The following HIBADH variants were observed in gnomAD, a reference collection of about 807,000 sequenced individuals.
HIBADH encodes the protein 3-hydroxyisobutyrate dehydrogenase.
A neutral mutation model predicts 36.1 loss-of-function variants in HIBADH; 25 were observed. The observed-to-expected ratio is 0.69, with a 90% confidence interval of 0.50 to 0.97. The LOEUF (loss-of-function observed/expected upper bound fraction) is 0.97. Ranked by LOEUF, HIBADH falls within the 50% of genes least tolerant of loss-of-function variation. The pLI is 0.00. For synonymous variants in HIBADH, 160 were observed against 149.5 expected, an observed-to-expected ratio of 1.07 and a Z score of -0.51; for missense variants, 421 against 418.0, an observed-to-expected ratio of 1.01 and a Z score of -0.06.
At chr7:27,595,005 A>G (rs1785006766) in intron 4 of HIBADH, among the ~76,000 whole-genome samples, 1 of 152,220 alleles carries the variant, frequency 6.6e-6, no homozygotes, top group African/African-American at 2.4e-5. Flanking sequence ...AGATGTACAT[A>G]AATTTCTTTT....
At chr7:27,585,037 T>TA (rs1784838307) in intron 4 of HIBADH, among the ~76,000 whole-genome samples, 1 of 152,054 alleles carries the variant, frequency 6.6e-6, no homozygotes, top group Non-Finnish European at 1.5e-5. Context: ...GATAAATTCT[T>TA]AAAGTGGAAT....
At chr7:27,527,952 A>G in intron 7 of HIBADH, among the ~76,000 whole-genome samples, 1 of 62,644 alleles carries the variant, frequency 1.6e-5, no homozygotes, top group Non-Finnish European at 3.1e-5. Context: ...TAGTAGAGAC[A>G]GGGTTTCACC....
intron 4 of HIBADH, among the ~76,000 whole-genome samples, chr7:27,603,296 T>A (rs554361434): frequency 2.4e-4 from 36 of 152,278 alleles, no homozygotes; most frequent in Non-Finnish European, 4.3e-4. Flanking sequence ...CTAACTCAGG[T>A]TGGGCACAAT....
At chr7:27,574,161 GAA>G (rs1212044697) in intron 4 of HIBADH, among the ~76,000 whole-genome samples, 1 of 151,592 alleles carries the variant, frequency 6.6e-6, no homozygotes, top group African/African-American at 2.4e-5. Flanking sequence ...CCAGAAATCA[GAA>G]AAGTCTGTGA....
chr7:27,536,152 G>A (rs1007527194), intron 6 of HIBADH, among the ~76,000 whole-genome samples: 1 of 152,012 alleles, frequency 6.6e-6, no homozygotes, highest in Non-Finnish European at 1.5e-5. Context: ...CTCTATTAGA[G>A]AACAATCCTG....
intron 1 of HIBADH, among the ~76,000 whole-genome samples, chr7:27,656,634 C>G (rs1232816328): frequency 6.6e-6 from 1 of 152,156 alleles, no homozygotes; most frequent in Non-Finnish European, 1.5e-5. Context: ...CGAAACAGTA[C>G]TTACACCTGG....
chr7:27,581,106 G>A (rs536055419), intron 4 of HIBADH, among the ~76,000 whole-genome samples: 2 of 152,282 alleles, frequency 1.3e-5, no homozygotes, highest in East Asian at 3.9e-4. Context: ...TGATGGAAAA[G>A]AATGAATGGA....
intron 4 of HIBADH, among the ~76,000 whole-genome samples, chr7:27,569,313 T>C (rs772785873): frequency 6.6e-6 from 1 of 152,216 alleles, no homozygotes; most frequent in Non-Finnish European, 1.5e-5. Context: ...AGGGTTGGTA[T>C]CTTGTCTCTT....
chr7:27,564,702 G>A (rs924940035), intron 4 of HIBADH, among the ~76,000 whole-genome samples: 4 of 152,130 alleles, frequency 2.6e-5, no homozygotes, highest in Non-Finnish European at 5.9e-5. Context: ...AAAAGTAATA[G>A]TGCTAAATTG....
intron 4 of HIBADH, among the ~76,000 whole-genome samples, chr7:27,622,041 G>A (rs1445824690): frequency 6.6e-6 from 1 of 152,082 alleles, no homozygotes; most frequent in Non-Finnish European, 1.5e-5. Flanking sequence ...GATCACTTGA[G>A]CCCAGGAGTT....
At chr7:27,618,165 C>A (rs1218254517) in intron 4 of HIBADH, among the ~76,000 whole-genome samples, 3 of 152,190 alleles carry the variant, frequency 2.0e-5, no homozygotes, top group Non-Finnish European at 4.4e-5. Flanking sequence ...TGGTACCCTT[C>A]CCCCTGCTCT....
intron 4 of HIBADH, among the ~76,000 whole-genome samples, chr7:27,551,510 A>T (rs1466078520): frequency 6.6e-6 from 1 of 152,250 alleles, no homozygotes; most frequent in East Asian, 1.9e-4. Context: ...TTGATCTAAC[A>T]GTAGGAAAGA....
chr7:27,567,275 G>A lies in HIBADH; in HGVS notation c.485-24175C>T, dbSNP rs1001921366. On this transcript the variant is annotated intron_variant, in intron 4 of 7. Coordinates refer to ENST00000265395, the MANE Select transcript of HIBADH (RefSeq NM_152740.4). Reference sequence around the variant, plus strand: ...TTGGTGAATTGACTCTTATCATTATGTAATGTCCTTCTATACCTTTGGTAA... The same window carrying A: ...TTGGTGAATTGACTCTTATCATTATATAATGTCCTTCTATACCTTTGGTAA... Among the ~76,000 whole-genome samples the A allele has an allele frequency of 4.3e-4, 66 of 152,014 alleles. 2 individuals are homozygous for A. Among genetic ancestry groups the A allele is most frequent in the Non-Finnish European group, 8.8e-5 (6 of 67,960 alleles).
At chr7:27,531,162 T>C (rs762899269) in intron 7 of HIBADH, 30 bp downstream of exon 7, 1 of 1,577,568 alleles carries the variant, frequency 6.3e-7, no homozygotes, top group Admixed American at 1.8e-5. Flanking sequence ...ACGTTTTTCC[T>C]TCTCTCTTGG....
chr7:27,529,775 C>A (rs1332827172), intron 7 of HIBADH, among the ~76,000 whole-genome samples: 1 of 152,170 alleles, frequency 6.6e-6, no homozygotes, highest in Non-Finnish European at 1.5e-5. Flanking sequence ...GGGTAAAATG[C>A]TATCAAACAG....
At chr7:27,661,343 A>G (rs887363805) in intron 1 of HIBADH, among the ~76,000 whole-genome samples, 6 of 152,166 alleles carry the variant, frequency 3.9e-5, no homozygotes, top group Admixed American at 6.5e-5. Flanking sequence ...GTTCATGCCT[A>G]TAATCCCAAC....
intron 4 of HIBADH, among the ~76,000 whole-genome samples, chr7:27,622,576 A>G (rs1444002525): frequency 1.3e-5 from 2 of 152,158 alleles, no homozygotes; most frequent in South Asian, 2.1e-4. Flanking sequence ...CCTCAAATAA[A>G]ATCAAATGAA....
At chr7:27,650,279 CA>C (rs35475209) in intron 1 of HIBADH, among the ~76,000 whole-genome samples, 8 of 138,988 alleles carry the variant, frequency 5.8e-5, no homozygotes, top group African/African-American at 7.9e-5. Flanking sequence ...TCCAATGATA[CA>C]AAAAAAAAAA....
chr7:27,541,845 A>G, intron 5 of HIBADH: 1 of 348,654 alleles, frequency 2.9e-6, no homozygotes, highest in Non-Finnish European at 5.5e-6. Context: ...CACTCACACA[A>G]AGATGATTAG....
Sources: gnomAD v4.1 joint callset for allele counts (sites outside exome capture counted in the v4.1 genomes callset) on GRCh38, gnomAD v4.1.1 for gene constraint, MANE v1.5 for transcripts, NCBI Gene and HGNC (gene_info 2026-07-23, HGNC 2026-07-21) for gene names.